CMSS1: variants seen among roughly 807,000 people sequenced by gnomAD.
CMSS1 encodes protein CMSS1.
A neutral mutation model predicts 43.5 loss-of-function variants in CMSS1; 33 were observed. That is an observed-to-expected ratio of 0.76 (90% CI 0.57 to 1.01). The LOEUF (loss-of-function observed/expected upper bound fraction) is 1.01, where lower values mean the gene tolerates loss of function less well. Ranked by LOEUF, CMSS1 falls within the 50% of genes least tolerant of loss-of-function variation. CMSS1 has a pLI of 0.00. For missense variants in CMSS1, 313 were observed against 326.4 expected (o/e 0.96, Z 0.32); for synonymous variants, 115 against 117.2 (o/e 0.98, Z 0.12).
At chr3:99,978,948 G>A (rs1022048275) in intron 1 of CMSS1, among the ~76,000 whole-genome samples, 1 of 152,118 alleles carries the variant, frequency 6.6e-6, no homozygotes, top group African/African-American at 2.4e-5. Flanking sequence ...GGAGGAAAGG[G>A]AGGTGGATAT....
chr3:100,013,682 A>C (rs1372065133), intron 1 of CMSS1, among the ~76,000 whole-genome samples: 1 of 152,166 alleles, frequency 6.6e-6, no homozygotes, highest in Non-Finnish European at 1.5e-5. Context: ...ATTTTTTCCT[A>C]GTTTTATTAA....
At chr3:100,045,748 C>G (rs564254862) in intron 1 of CMSS1, among the ~76,000 whole-genome samples, 3 of 152,212 alleles carry the variant, frequency 2.0e-5, no homozygotes, top group African/African-American at 7.2e-5. Flanking sequence ...CATTTCCAGA[C>G]GGCAGCTTTG....
chr3:99,958,242 TA>T (rs1241197302), intron 1 of CMSS1, among the ~76,000 whole-genome samples: 2 of 143,764 alleles, frequency 1.4e-5, no homozygotes, highest in Non-Finnish European at 1.5e-5. Flanking sequence ...TTATTATTAT[TA>T]TTATTATTTG....
At chr3:99,848,362 T>C (rs1222500442) in intron 1 of CMSS1, 3 of 1,614,182 alleles carry the variant, frequency 1.9e-6, no homozygotes, top group South Asian at 1.1e-5. Flanking sequence ...GGTGACTTTA[T>C]TGGTTGTTTT....
chr3:99,970,686 C>G (rs961110037), intron 1 of CMSS1, among the ~76,000 whole-genome samples: 8 of 152,182 alleles, frequency 5.3e-5, no homozygotes, highest in Non-Finnish European at 7.3e-5. Context: ...ACAAGACATT[C>G]TGTATATGGG....
intron 1 of CMSS1, chr3:99,833,263 T>C: frequency 6.2e-7 from 1 of 1,609,886 alleles, no homozygotes; most frequent in Non-Finnish European, 8.5e-7. Flanking sequence ...TGGTTCCACC[T>C]AGGGAGCAGT....
chr3:100,027,793 G>A (rs750850381), intron 1 of CMSS1, among the ~76,000 whole-genome samples: 7 of 152,154 alleles, frequency 4.6e-5, no homozygotes, highest in Non-Finnish European at 8.8e-5. Context: ...ATAAGTCAGA[G>A]GAAGATTATC....
intron 1 of CMSS1, among the ~76,000 whole-genome samples, chr3:100,059,646 T>C (rs187463662): frequency 6.6e-6 from 1 of 151,894 alleles, no homozygotes; most frequent in Non-Finnish European, 1.5e-5. Context: ...CAGGACAGAG[T>C]AGTGACTGGG....
chr3:99,972,525 T>G (rs1388805011), intron 1 of CMSS1, among the ~76,000 whole-genome samples: 1 of 152,222 alleles, frequency 6.6e-6, no homozygotes, highest in Non-Finnish European at 1.5e-5. Context: ...CGGCCTCATT[T>G]TCTGCCTCTA....
intron 1 of CMSS1, among the ~76,000 whole-genome samples, chr3:100,039,255 C>CA (rs1478868566): frequency 6.6e-6 from 1 of 152,124 alleles, no homozygotes; most frequent in African/African-American, 2.4e-5. Context: ...AACTTGACCT[C>CA]AAAAAACTGA....
intron 1 of CMSS1, among the ~76,000 whole-genome samples, chr3:99,952,796 A>G (rs1409246688): frequency 2.6e-5 from 4 of 152,222 alleles, no homozygotes; most frequent in African/African-American, 9.6e-5. Context: ...AAGAAACACA[A>G]GAAAACGTGT....
chr3:99,848,231 C>A, intron 1 of CMSS1: 1 of 1,585,916 alleles, frequency 6.3e-7, no homozygotes. Context: ...GGATTGAGTT[C>A]CTTGCAAAAA....
At chr3:99,849,943 C>A (rs1315543073) in intron 1 of CMSS1, 1 of 1,613,084 alleles carries the variant, frequency 6.2e-7, no homozygotes, top group Admixed American at 1.7e-5. Flanking sequence ...GAGATCATTT[C>A]CTTTCTCTTC....
chr3:100,179,399 AAAC>A lies in CMSS1; in HGVS notation c.*1014_*1016del, dbSNP rs1463745101. 1 of 152,254 alleles carries A rather than the reference AAAC, an allele frequency of 6.6e-6. No individual in the cohort carries two copies. The highest frequency in any genetic ancestry group is 1.9e-4 in the East Asian group (1 of 5,200). 9.4% of individuals were successfully genotyped at this position (152,254 alleles called of 1,614,324 possible). On this transcript the variant is annotated 3_prime_UTR_variant, in exon 10 of 10. Coordinates refer to ENST00000421999, the MANE Select transcript of CMSS1 (RefSeq NM_032359.4). Reference sequence around the variant, plus strand: ...TCCACCTATGAGCCTGTAAAATAAAAAACAAGTTAGTCATTTCCAAGATACAAT... The same window carrying A: ...TCCACCTATGAGCCTGTAAAATAAAAAAGTTAGTCATTTCCAAGATACAAT...
chr3:100,050,155 T>C (rs559950853), intron 1 of CMSS1, among the ~76,000 whole-genome samples: 2 of 152,328 alleles, frequency 1.3e-5, no homozygotes, highest in Admixed American at 1.3e-4. Flanking sequence ...TTTTTAAAAT[T>C]TGTTTATTTA....
At chr3:100,150,517 A>G (rs1180710825) in intron 2 of CMSS1, among the ~76,000 whole-genome samples, 3 of 152,222 alleles carry the variant, frequency 2.0e-5, no homozygotes, top group East Asian at 1.9e-4. Context: ...CTGTCAAGAT[A>G]GATGATGTTC....
chr3:100,018,855 A>G (rs1184632341), intron 1 of CMSS1, among the ~76,000 whole-genome samples: 1 of 152,212 alleles, frequency 6.6e-6, no homozygotes, highest in East Asian at 1.9e-4. Flanking sequence ...CTCAATAACA[A>G]AAAACAAATA....
At chr3:99,991,897 T>C (rs933445269) in intron 1 of CMSS1, among the ~76,000 whole-genome samples, 2 of 149,600 alleles carry the variant, frequency 1.3e-5, no homozygotes, top group African/African-American at 4.9e-5. Flanking sequence ...TATATGTGTG[T>C]ATATATATAC....
chr3:99,840,387 C>T (rs965369937), intron 1 of CMSS1, among the ~76,000 whole-genome samples: 3 of 151,896 alleles, frequency 2.0e-5, no homozygotes, highest in African/African-American at 7.3e-5. Context: ...CCATGCCCGG[C>T]TAATTTTTGT....
Sources: allele counts gnomAD v4.1 joint callset (sites outside exome capture counted in the v4.1 genomes callset), GRCh38; gene constraint gnomAD v4.1.1; transcripts MANE v1.5; gene names NCBI Gene and HGNC (gene_info 2026-07-23, HGNC 2026-07-21).